Variants in CFAP53 observed in about 807,000 individuals in gnomAD.
CFAP53 encodes the protein cilia- and flagella-associated protein 53.
A neutral mutation model predicts 59.7 loss-of-function variants in CFAP53; 62 were observed. That is an observed-to-expected ratio of 1.04 (90% CI 0.85 to 1.28). CFAP53 has a LOEUF of 1.28. Among genes scored for constraint, CFAP53 ranks in the 50% most tolerant of loss-of-function variants. The pLI, the probability that CFAP53 is intolerant of heterozygous loss-of-function variation, is 0.00. For missense variants in CFAP53, 629 were observed against 615.6 expected (o/e 1.02, Z -0.23); for synonymous variants, 218 against 205.7 (o/e 1.06, Z -0.51).
intron 3 of CFAP53, among the ~76,000 whole-genome samples, chr18:50,254,852 T>A (rs2050049571): frequency 6.6e-6 from 1 of 152,178 alleles, no homozygotes; most frequent in Non-Finnish European, 1.5e-5. Context: ...GATCACGCCA[T>A]TTCATTCCAG....
Position 50,238,660 on chromosome 18 carries a change from T to C in CFAP53, c.1259A>G (p.Lys420Arg). ...KEQEERAMEQKHINESLKELN... is the reference protein window; with the variant it reads ...KEQEERAMEQRHINESLKELN... The stretch of plus-strand genomic sequence containing the variant: ...TTCTTTAAGACTTTCATTTATGTGT[T>C]TCTGTTCCATAGCACGTTCTTCCTG... The change falls in exon 7 of 8, where the codon AAA (lysine) becomes AGA (arginine). Residue 420 changes from lysine to arginine, a missense_variant. Coordinates refer to ENST00000398545, the MANE Select transcript of CFAP53 (RefSeq NM_145020.5). 6.8e-6 allele frequency: 11 copies of C among 1,612,454 alleles called. No individual in the cohort carries two copies. The highest frequency in any genetic ancestry group is 9.3e-6 in the Non-Finnish European group (11 of 1,179,316).
At chr18:50,229,136 T>A (rs1342442384) in intron 7 of CFAP53, among the ~76,000 whole-genome samples, 2 of 152,056 alleles carry the variant, frequency 1.3e-5, no homozygotes, top group Non-Finnish European at 2.9e-5. Flanking sequence ...CAAATTTACA[T>A]CTTAACCATT....
At chr18:50,244,342 T>C (rs1484705761) in intron 5 of CFAP53, among the ~76,000 whole-genome samples, 1 of 152,100 alleles carries the variant, frequency 6.6e-6, no homozygotes. Flanking sequence ...TGGTTTAAAG[T>C]GTGGCTTTCT....
chr18:50,240,295 C>T (rs2033678237), intron 6 of CFAP53, among the ~76,000 whole-genome samples: 1 of 152,034 alleles, frequency 6.6e-6, no homozygotes, highest in African/African-American at 2.4e-5. Flanking sequence ...CCTGCTCCAC[C>T]CTAACTCATT....
chr18:50,235,398 T>C (rs2033623896), intron 7 of CFAP53, among the ~76,000 whole-genome samples: 2 of 152,006 alleles, frequency 1.3e-5, no homozygotes, highest in East Asian at 1.9e-4. Flanking sequence ...AAACCCTGTC[T>C]CTACTAAAAA....
intron 7 of CFAP53, among the ~76,000 whole-genome samples, chr18:50,238,178 G>A (rs2033655906): frequency 6.6e-6 from 1 of 152,182 alleles, no homozygotes; most frequent in African/African-American, 2.4e-5. Context: ...CGTCTAGAAG[G>A]ACAAGTGTAA....
chr18:50,227,555 G>C lies in CFAP53; in HGVS notation c.1371C>G (p.Tyr457Ter). The change falls in exon 8 of 8, where the codon TAC becomes TAG. Residue 457 changes from tyrosine to a stop codon, truncating the protein, a stop_gained. Transcript: ENST00000398545. LOFTEE classifies it low-confidence loss of function (END_TRUNC). ...TCTCTGCTTCTTGGGACTGCTGCTG[G>C]TAGGCGATTTGCATCTGAAGTTGCT... ...YRKQLQMQIA[Y>*]QQQSQEAEKE... 6.2e-7 allele frequency: 1 copy of C among 1,614,142 alleles called. No homozygotes were observed. Among genetic ancestry groups the C allele is most frequent in the Non-Finnish European group, 8.5e-7 (1 of 1,180,016 alleles).
Position 50,261,125 on chromosome 18 carries a change from T to C in CFAP53, c.412A>G (p.Lys138Glu). The change falls in exon 3 of 8, where the codon AAA (lysine) becomes GAA (glutamate). Residue 138 changes from lysine (K) to glutamate (E), a missense_variant. Coordinates refer to ENST00000398545, the MANE Select transcript of CFAP53 (RefSeq NM_145020.5). ...DRMREKTKLLKEKNEKERQDF... is the reference protein window; with the variant it reads ...DRMREKTKLLEEKNEKERQDF... ...TGCCTCTCTTTTTCATTCTTCTCTT[T>C]TAGTAATTTAGTTTTCTCTCTCATC... 6.3e-7 allele frequency: 1 copy of C among 1,599,098 alleles called. No individual in the cohort carries two copies. The highest frequency in any genetic ancestry group is 8.5e-7 in the Non-Finnish European group (1 of 1,176,204).
chr18:50,261,074 G>T lies in CFAP53; in HGVS notation c.463C>A (p.Gln155Lys), dbSNP rs750051855. 1.3e-6 allele frequency: 2 copies of T among 1,594,048 alleles called. No homozygotes were observed. The highest frequency in any genetic ancestry group is 1.7e-4 in the Middle Eastern group (1 of 6,004). ...RQDFVAEKLD[Q>K]QFRERCEELR... is the part of the protein sequence containing the mutation. The stretch of plus-strand genomic sequence containing the variant: ...TTCTGATTTCATTACCTGAATTGCT[G>T]GTCTAGCTTTTCAGCCACAAAATCC... The change falls in exon 3 of 8, where the codon CAG becomes AAG. Residue 155 changes from glutamine (Q) to lysine (K), a missense_variant. Coordinates refer to ENST00000398545, the MANE Select transcript of CFAP53 (RefSeq NM_145020.5).
intron 1 of CFAP53, among the ~76,000 whole-genome samples, chr18:50,265,468 T>C (rs888992036): frequency 2.6e-5 from 4 of 152,132 alleles, no homozygotes; most frequent in African/African-American, 9.7e-5. Context: ...ACATCTCTGG[T>C]CCCAAGCATT....
chr18:50,235,290 G>A (rs1423287474), intron 7 of CFAP53, among the ~76,000 whole-genome samples: 5 of 152,302 alleles, frequency 3.3e-5, no homozygotes, highest in Admixed American at 1.3e-4. Flanking sequence ...TATTGGCTGG[G>A]TGCGGTGGCT....
chr18:50,237,838 T>C (rs2033653003), intron 7 of CFAP53, among the ~76,000 whole-genome samples: 1 of 151,890 alleles, frequency 6.6e-6, no homozygotes, highest in African/African-American at 2.4e-5. Flanking sequence ...GCATCCAGAG[T>C]GTTCTAGTGC....
intron 1 of CFAP53, 34 bp from the exon 2 acceptor site, chr18:50,262,253 GC>G: frequency 6.5e-7 from 1 of 1,541,748 alleles, no homozygotes; most frequent in Non-Finnish European, 9.0e-7. Context: ...CTTATAATAA[GC>G]CAAAGAATCA....
rs1479725465 is a variant in CFAP53, at chr18:50,261,195, T to C, written c.342A>G (p.Thr114=). 1.3e-6 allele frequency: 2 copies of C among 1,578,300 alleles called. No homozygotes were observed. Among genetic ancestry groups the C allele is most frequent in the Non-Finnish European group, 1.7e-6 (2 of 1,170,572 alleles). ...LLALEENEYF[T]EMQLKKETIE... is the part of the protein sequence containing the mutation. ...TGGTTTCTTTCTTCAATTGCATTTCTGTAAAATACTCATTTTCTTCTAATG... is the reference window on the plus strand; with the variant it reads ...TGGTTTCTTTCTTCAATTGCATTTCCGTAAAATACTCATTTTCTTCTAATG... Residue 114 remains threonine (T), a synonymous_variant, in exon 3 of 8, where the codon ACA becomes ACG. Coordinates refer to ENST00000398545, the MANE Select transcript of CFAP53 (RefSeq NM_145020.5).
chr18:50,239,278 C>T (rs2033666190), intron 6 of CFAP53, among the ~76,000 whole-genome samples: 1 of 151,814 alleles, frequency 6.6e-6, no homozygotes, highest in South Asian at 2.1e-4. Flanking sequence ...ATCTGAGCTG[C>T]TCAGAAGGCT....
chr18:50,261,331 TAAGAA>T, intron 2 of CFAP53, 94 bp from the exon 3 acceptor site: 1 of 1,305,986 alleles, frequency 7.7e-7, no homozygotes, highest in Non-Finnish European at 1.0e-6. Context: ...GTCTAATTTG[TAAGAA>T]AAGAAAGATC....
intron 3 of CFAP53, among the ~76,000 whole-genome samples, chr18:50,257,352 G>A (rs1197251051): frequency 2.0e-5 from 3 of 152,128 alleles, no homozygotes; most frequent in African/African-American, 4.8e-5. Flanking sequence ...CAGATGACAC[G>A]ATCTTATATT....
At chr18:50,237,465 G>A (rs916850060) in intron 7 of CFAP53, among the ~76,000 whole-genome samples, 10 of 148,608 alleles carry the variant, frequency 6.7e-5, no homozygotes, top group Admixed American at 2.0e-4. Flanking sequence ...AACTCAGAAC[G>A]GTAGGCCAGA....
chr18:50,258,469 C>G (rs1453551977), intron 3 of CFAP53, among the ~76,000 whole-genome samples: 1 of 152,200 alleles, frequency 6.6e-6, no homozygotes, highest in Non-Finnish European at 1.5e-5. Context: ...AGATCCAAGA[C>G]TTAAATCTAA....
Sources: gnomAD v4.1 joint callset for allele counts (sites outside exome capture counted in the v4.1 genomes callset) on GRCh38, gnomAD v4.1.1 for gene constraint, MANE v1.5 for transcripts, NCBI Gene and HGNC (gene_info 2026-07-23, HGNC 2026-07-21) for gene names.